CCDC7: variants seen among roughly 807,000 people sequenced by gnomAD.
CCDC7 encodes coiled-coil domain containing 7, also known as coiled-coil domain-containing protein 7.
CCDC7 carries 183 observed loss-of-function variants against 196.9 expected under a neutral mutation model. That is an observed-to-expected ratio of 0.93 (90% confidence interval 0.82 to 1.05). The LOEUF (loss-of-function observed/expected upper bound fraction) is 1.05. Ranked by LOEUF, CCDC7 falls within the 50% of genes least tolerant of loss-of-function variation. The pLI is 0.00. For synonymous variants in CCDC7, 525 were observed against 484.6 expected, an observed-to-expected ratio of 1.08 and a Z score of -1.10; for missense variants, 1,540 against 1,482.2, an observed-to-expected ratio of 1.04 and a Z score of -0.64.
At chr10:32,875,166 C>T (rs1231631274) in intron 41 of CCDC7, among the ~76,000 whole-genome samples, 1 of 151,862 alleles carries the variant, frequency 6.6e-6, no homozygotes, top group Non-Finnish European at 1.5e-5. Flanking sequence ...TACTTTTATA[C>T]CAGTACCATG....
intron 31 of CCDC7, among the ~76,000 whole-genome samples, chr10:32,817,876 C>A (rs1458859180): frequency 2.0e-5 from 3 of 152,098 alleles, no homozygotes; most frequent in Non-Finnish European, 4.4e-5. Context: ...CCAGCCACGG[C>A]AAAAACATGC....
chr10:32,580,971 A>G (rs1200138815), intron 16 of CCDC7, among the ~76,000 whole-genome samples: 1 of 152,148 alleles, frequency 6.6e-6, no homozygotes, highest in Non-Finnish European at 1.5e-5. Context: ...CTGATTTAAG[A>G]ATTATGAAGT....
chr10:32,779,022 T>A (rs1445301841), exon 29 of CCDC7: 1 of 1,550,192 alleles, frequency 6.5e-7, no homozygotes, highest in Non-Finnish European at 8.7e-7. Context: ...GCAGAAAATC[T>A]TCCAGCAATG....
At chr10:32,494,722 A>T (rs1398246550) in intron 9 of CCDC7, among the ~76,000 whole-genome samples, 2 of 151,492 alleles carry the variant, frequency 1.3e-5, no homozygotes, top group Non-Finnish European at 3.0e-5. Flanking sequence ...AAAGGACATG[A>T]TCTCATCCTT....
At chr10:32,458,716 G>T (rs1031772239) in intron 3 of CCDC7, among the ~76,000 whole-genome samples, 6 of 152,036 alleles carry the variant, frequency 3.9e-5, no homozygotes, top group Non-Finnish European at 8.8e-5. Flanking sequence ...GCTTAGGATT[G>T]CTTTGGCTAC....
intron 9 of CCDC7, among the ~76,000 whole-genome samples, chr10:32,500,926 A>G (rs949609961): frequency 6.6e-6 from 1 of 152,288 alleles, no homozygotes; most frequent in Non-Finnish European, 1.5e-5. Context: ...CGTGCCTGCA[A>G]TCCCAGGCAC....
intron 20 of CCDC7, among the ~76,000 whole-genome samples, chr10:32,657,998 G>A (rs972912942): frequency 3.3e-5 from 5 of 152,170 alleles, no homozygotes; most frequent in South Asian, 2.1e-4. Flanking sequence ...TTCCAGTTCC[G>A]AACAACTTCT....
chr10:32,540,512 C>T (rs1015056923), intron 11 of CCDC7, among the ~76,000 whole-genome samples: 1 of 152,126 alleles, frequency 6.6e-6, no homozygotes, highest in African/African-American at 2.4e-5. Context: ...GGGCATTTAG[C>T]CCATTTGCAT....
chr10:32,519,804 A>C (rs1249091045), intron 11 of CCDC7, among the ~76,000 whole-genome samples: 3 of 152,032 alleles, frequency 2.0e-5, no homozygotes, highest in East Asian at 1.9e-4. Flanking sequence ...TTGTGCTATC[A>C]AATACTAAGT....
At chr10:32,699,438 T>C (rs1251631447) in intron 24 of CCDC7, among the ~76,000 whole-genome samples, 4 of 151,548 alleles carry the variant, frequency 2.6e-5, no homozygotes, top group Middle Eastern at 3.2e-3. Context: ...CACATTTTCT[T>C]AACCCAGTCT....
At chr10:32,737,753 C>T (rs746354005) in intron 28 of CCDC7, among the ~76,000 whole-genome samples, 7 of 152,032 alleles carry the variant, frequency 4.6e-5, no homozygotes, top group Non-Finnish European at 1.0e-4. Flanking sequence ...GAATAATGAC[C>T]TTTTTATCAC....
chr10:32,779,664 G>C (rs1434539101), intron 29 of CCDC7, among the ~76,000 whole-genome samples: 1 of 152,112 alleles, frequency 6.6e-6, no homozygotes, highest in Non-Finnish European at 1.5e-5. Context: ...AAAGGCATCA[G>C]GCAAACACGA....
At chr10:32,574,863 AT>A (rs1022235022) in intron 16 of CCDC7, among the ~76,000 whole-genome samples, 13 of 151,944 alleles carry the variant, frequency 8.6e-5, no homozygotes, top group Admixed American at 2.0e-4. Flanking sequence ...GAACATGTCC[AT>A]TTTTTTTCTC....
chr10:32,471,313 G>A (rs573753567), intron 6 of CCDC7, 83 bp downstream of exon 7: 1 of 1,477,306 alleles, frequency 6.8e-7, no homozygotes, highest in South Asian at 1.3e-5. Flanking sequence ...TAATGGGTCA[G>A]ATATGATGGC....
chr10:32,648,448 A>C (rs1378141034), intron 20 of CCDC7, among the ~76,000 whole-genome samples: 1 of 152,156 alleles, frequency 6.6e-6, no homozygotes, highest in African/African-American at 2.4e-5. Flanking sequence ...TATTGATAGT[A>C]AATAGTGCTG....
chr10:32,608,689 C>T (rs996378116), intron 18 of CCDC7, among the ~76,000 whole-genome samples: 21 of 152,038 alleles, frequency 1.4e-4, no homozygotes, highest in Non-Finnish European at 2.2e-4. Flanking sequence ...TACAGGCCTG[C>T]GCCACCATGC....
intron 9 of CCDC7, chr10:32,499,292 G>C (rs2947086): frequency 6.6e-6 from 1 of 151,848 alleles, no homozygotes; most frequent in Non-Finnish European, 1.5e-5. Context: ...GGAACTTTTA[G>C]AAGTTTTTCC....
chr10:32,487,577 C>A (rs2041377945), intron 8 of CCDC7, among the ~76,000 whole-genome samples: 1 of 152,172 alleles, frequency 6.6e-6, no homozygotes, highest in Admixed American at 6.5e-5. Context: ...TTTAGAGTTT[C>A]CAGTTTTTCT....
intron 13 of CCDC7, among the ~76,000 whole-genome samples, chr10:32,563,414 A>G (rs2056151199): frequency 2.0e-5 from 3 of 152,236 alleles, no homozygotes. Flanking sequence ...ACAAGGCTAC[A>G]GTAACCAAAA....
Sources: allele counts gnomAD v4.1 joint callset (sites outside exome capture counted in the v4.1 genomes callset), GRCh38; gene constraint gnomAD v4.1.1; transcripts MANE v1.5; gene names NCBI Gene and HGNC (gene_info 2026-07-23, HGNC 2026-07-21).